Variants in NRG3 observed in about 807,000 individuals in gnomAD.
NRG3 encodes neuregulin 3.
Under a neutral mutation model 66.9 loss-of-function variants are expected in NRG3, and 31 were observed. That is an observed-to-expected ratio of 0.46 (90% CI 0.35 to 0.63). The LOEUF is 0.63. Ranked by LOEUF, NRG3 falls within the 20% of genes least tolerant of loss-of-function variation. The pLI, the probability that NRG3 is intolerant of heterozygous loss-of-function variation, is 0.00. For synonymous variants in NRG3, 393 were observed against 359.4 expected, an observed-to-expected ratio of 1.09 and a Z score of -1.06; for missense variants, 910 against 878.9, an observed-to-expected ratio of 1.04 and a Z score of -0.45.
At chr10:82,106,427 T>A (rs2067064840) in intron 1 of NRG3, among the ~76,000 whole-genome samples, 1 of 152,158 alleles carries the variant, frequency 6.6e-6, no homozygotes, top group Admixed American at 6.6e-5. Flanking sequence ...AGGATCCCTT[T>A]CAGAATCTCA....
At chr10:82,139,450 G>A (rs1346755672) in intron 1 of NRG3, among the ~76,000 whole-genome samples, 2 of 152,092 alleles carry the variant, frequency 1.3e-5, no homozygotes, top group South Asian at 2.1e-4. Flanking sequence ...TGATGTAACT[G>A]GTGGTATTAG....
intron 1 of NRG3, among the ~76,000 whole-genome samples, chr10:82,258,897 G>A (rs544509616): frequency 4.7e-4 from 71 of 152,252 alleles, no homozygotes; most frequent in South Asian, 6.2e-4. Flanking sequence ...AGAAAGATAC[G>A]TATTTAATTT....
intron 3 of NRG3, among the ~76,000 whole-genome samples, chr10:82,758,181 C>T (rs944144209): frequency 1.3e-5 from 2 of 152,068 alleles, no homozygotes; most frequent in Non-Finnish European, 2.9e-5. Flanking sequence ...GACCTTTATG[C>T]TCCAGTAACC....
chr10:82,758,959 A>G (rs2059191155), intron 3 of NRG3, among the ~76,000 whole-genome samples: 1 of 151,670 alleles, frequency 6.6e-6, no homozygotes, highest in Non-Finnish European at 1.5e-5. Context: ...CCACATTAAC[A>G]TCTTGAACTG....
intron 1 of NRG3, among the ~76,000 whole-genome samples, chr10:82,286,150 G>T (rs1434401949): frequency 1.3e-5 from 2 of 152,146 alleles, no homozygotes; most frequent in Non-Finnish European, 2.9e-5. Flanking sequence ...CAGGTAGGAA[G>T]GGTAAGAGTC....
At chr10:82,062,157 G>A (rs932717346) in intron 1 of NRG3, among the ~76,000 whole-genome samples, 4 of 152,108 alleles carry the variant, frequency 2.6e-5, no homozygotes, top group African/African-American at 7.2e-5. Context: ...AGCCCTGCTT[G>A]TATCTCTAGA....
chr10:82,097,597 A>T (rs2066438830), intron 1 of NRG3, among the ~76,000 whole-genome samples: 1 of 151,624 alleles, frequency 6.6e-6, no homozygotes, highest in Non-Finnish European at 1.5e-5. Context: ...CTTTTGGGTG[A>T]ACATACAGTT....
intron 3 of NRG3, among the ~76,000 whole-genome samples, chr10:82,794,099 T>C (rs1208495316): frequency 1.3e-5 from 2 of 152,204 alleles, no homozygotes; most frequent in African/African-American, 4.8e-5. Context: ...TTTAGCCCAA[T>C]TATCTCTCTG....
intron 2 of NRG3, among the ~76,000 whole-genome samples, chr10:82,633,781 C>T (rs1480402674): frequency 6.6e-6 from 1 of 152,116 alleles, no homozygotes; most frequent in Non-Finnish European, 1.5e-5. Flanking sequence ...CATTAATGTA[C>T]CAAAATGTAC....
At chr10:82,695,237 A>T (rs1247924162) in intron 2 of NRG3, among the ~76,000 whole-genome samples, 3 of 152,158 alleles carry the variant, frequency 2.0e-5, no homozygotes, top group Non-Finnish European at 4.4e-5. Flanking sequence ...CATCTGACCT[A>T]GTAATTCCTA....
chr10:82,398,936 G>C (rs2086900575), intron 2 of NRG3, among the ~76,000 whole-genome samples: 1 of 152,054 alleles, frequency 6.6e-6, no homozygotes, highest in Non-Finnish European at 1.5e-5. Flanking sequence ...AAGGAAGCAG[G>C]ATACACCAAT....
At chr10:82,757,207 T>C (rs865860405) in intron 3 of NRG3, among the ~76,000 whole-genome samples, 4 of 152,078 alleles carry the variant, frequency 2.6e-5, no homozygotes, top group African/African-American at 9.7e-5. Context: ...GAAGAGATTA[T>C]CTGATGAAAA....
At chr10:81,879,123 C>A (rs1368605637) in intron 1 of NRG3, among the ~76,000 whole-genome samples, 1 of 152,178 alleles carries the variant, frequency 6.6e-6, no homozygotes, top group East Asian at 1.9e-4. Context: ...ACCGTTTAGG[C>A]CGTGAGCTGG....
intron 1 of NRG3, among the ~76,000 whole-genome samples, chr10:81,897,882 G>A (rs1038377444): frequency 1.3e-5 from 2 of 152,140 alleles, no homozygotes; most frequent in African/African-American, 2.4e-5. Flanking sequence ...GTGCAGTGGG[G>A]ATGTTACTAT....
In NRG3 at chr10:82,973,893, A is replaced by G. The variant is rs769932125; in HGVS notation, c.1390A>G (p.Ser464Gly). ...FPEVPSPDRGSQSVKHHRSLS... is the reference protein window; with the variant it reads ...FPEVPSPDRGGQSVKHHRSLS... ...TGAGGTCCCTTCTCCTGACAGAGGA[A>G]GCCAGTCTGTCAAACACCACAGGTA... Residue 464 changes from serine to glycine, a missense_variant, in exon 7 of 9, where the codon AGC becomes GGC. By Grantham distance (56) the Ser-to-Gly change is moderately conservative. Transcript: ENST00000372141. 8.1e-6 allele frequency: 13 copies of G among 1,613,914 alleles called. No homozygotes were observed. Among genetic ancestry groups the G allele is most frequent in the South Asian group, 1.1e-5 (1 of 91,090 alleles).
intron 1 of NRG3, among the ~76,000 whole-genome samples, chr10:81,979,187 CAAAAAA>C (rs34468792): frequency 1.2e-5 from 1 of 81,976 alleles, no homozygotes. Flanking sequence ...GACTCCGTCT[CAAAAAA>C]AAAAAAAAAA....
Position 82,050,485 on chromosome 10 carries a change from C to G in NRG3, c.823+174322C>G, listed in dbSNP as rs996914177. ...TGGATGGGTAGTTGTTCAGGATTCTCATTGGTATGGGATTTGTGCTGTTAG... is the reference window on the plus strand; with the variant it reads ...TGGATGGGTAGTTGTTCAGGATTCTGATTGGTATGGGATTTGTGCTGTTAG... On this transcript the variant is annotated intron_variant, in intron 1 of 8. Transcript: ENST00000372141. Among the ~76,000 whole-genome samples, 4 of 151,842 alleles carry G rather than the reference C, an allele frequency of 2.6e-5. No individual in the cohort carries two copies. In the East Asian group the frequency reaches 5.8e-4, roughly 22 times the overall value.
At chr10:82,613,212 A>G (rs2048417110) in intron 2 of NRG3, among the ~76,000 whole-genome samples, 1 of 152,180 alleles carries the variant, frequency 6.6e-6, no homozygotes. Context: ...CTAAAGGATT[A>G]ACATAGTTCA....
intron 1 of NRG3, among the ~76,000 whole-genome samples, chr10:81,880,284 A>C (rs1374094740): frequency 6.6e-6 from 1 of 152,048 alleles, no homozygotes; most frequent in Non-Finnish European, 1.5e-5. Flanking sequence ...ATTCCTCCCC[A>C]GTTCTTCAGA....
Sources: allele counts gnomAD v4.1 joint callset (sites outside exome capture counted in the v4.1 genomes callset), GRCh38; gene constraint gnomAD v4.1.1; transcripts MANE v1.5; gene names NCBI Gene and HGNC (gene_info 2026-07-23, HGNC 2026-07-21).